Variants in CHST3 observed in about 807,000 individuals in gnomAD.
CHST3 encodes the protein C6ST-1.
CHST3 carries 20 observed loss-of-function variants against 35.4 expected under a neutral mutation model. The ratio of observed to expected loss-of-function variants is 0.57; its 90% CI spans 0.40 to 0.82. The LOEUF (loss-of-function observed/expected upper bound fraction) is 0.82. Among genes scored for constraint, CHST3 ranks in the 40% least tolerant of loss-of-function variants. The pLI, the probability that CHST3 is intolerant of heterozygous loss-of-function variation, is 0.00. For synonymous variants in CHST3, 334 were observed against 295.9 expected (o/e 1.13, Z -1.32); for missense variants, 693 against 670.1 (o/e 1.03, Z -0.38).
At chr10:72,000,636 C>T (rs1158155751) in intron 1 of CHST3, among the ~76,000 whole-genome samples, 1 of 152,076 alleles carries the variant, frequency 6.6e-6, no homozygotes. Context: ...GAAGGGTGAG[C>T]AGGGTCTGGA....
intron 1 of CHST3, among the ~76,000 whole-genome samples, chr10:71,982,572 A>T (rs1344999990): frequency 6.6e-6 from 1 of 152,046 alleles, no homozygotes; most frequent in Admixed American, 6.6e-5. Context: ...GGGCAACCTG[A>T]TGAAACCCCT....
chr10:71,971,165 C>T (rs1458831891), intron 1 of CHST3, among the ~76,000 whole-genome samples: 1 of 152,144 alleles, frequency 6.6e-6, no homozygotes, highest in Non-Finnish European at 1.5e-5. Flanking sequence ...GGCTGAGGGC[C>T]CTTCTCGTTC....
At chr10:71,988,324 T>C (rs1839868635) in intron 1 of CHST3, among the ~76,000 whole-genome samples, 1 of 152,150 alleles carries the variant, frequency 6.6e-6, no homozygotes, top group Non-Finnish European at 1.5e-5. Context: ...TCCCCTGTGA[T>C]ATAGTTGGGA....
At chr10:71,969,657 C>T (rs1226602727) in intron 1 of CHST3, among the ~76,000 whole-genome samples, 1 of 152,222 alleles carries the variant, frequency 6.6e-6, no homozygotes, top group Non-Finnish European at 1.5e-5. Context: ...AGAGGGGACA[C>T]AGTGACCAGG....
At chr10:71,972,907 T>C (rs10762498) in intron 1 of CHST3, among the ~76,000 whole-genome samples, 93,187 of 152,040 alleles carry the variant, frequency 0.61, 29,154 homozygotes, top group African/African-American at 0.74. Context: ...GCCCTTTGCC[T>C]GTGGTATTAT....
chr10:71,995,888 C>T (rs1839934142), intron 1 of CHST3, among the ~76,000 whole-genome samples: 1 of 152,064 alleles, frequency 6.6e-6, no homozygotes, highest in Admixed American at 6.5e-5. Flanking sequence ...AAATGTGACA[C>T]AGAGACACAC....
Position 72,011,213 on chromosome 10 carries a change from CGTT to C in CHST3, c.*2746_*2748del. 2 of 152,302 alleles carry C rather than the reference CGTT, an allele frequency of 1.3e-5. No individual in the cohort carries two copies. Among genetic ancestry groups the C allele is most frequent in the Non-Finnish European group, 2.9e-5 (2 of 68,022 alleles). 9.4% of individuals were successfully genotyped at this position (152,302 alleles called of 1,614,324 possible). A position where few individuals can be genotyped will look rare whatever the true frequency, so the allele number is the denominator to read the frequency against. ...CGCCAGCACCACGATGGCCCCAGGA[CGTT>C]GTTTAAGATCTGAGATCCCTTGGTT... On this transcript the variant is annotated 3_prime_UTR_variant, in exon 3 of 3. Coordinates refer to ENST00000373115, the MANE Select transcript of CHST3 (RefSeq NM_004273.5).
At position 72,007,598 on chromosome 10, in the gene CHST3, C is replaced by T; in HGVS notation, c.567C>T (p.Arg189=). ...CCGCGGGCTCGGCCCTGGTGTACCGCGACGTGCTCAAGCAGCTCTTCCTGT... is the reference window on the plus strand; with the variant it reads ...CCGCGGGCTCGGCCCTGGTGTACCGTGACGTGCTCAAGCAGCTCTTCCTGT... ...ANAAGSALVY[R]DVLKQLFLCD... Residue 189 remains arginine (R), a synonymous_variant, in exon 3 of 3, where the codon CGC becomes CGT. Transcript: ENST00000373115. The T allele has an allele frequency of 2.5e-6, 4 of 1,609,758 alleles. No individual in the cohort carries two copies. Among genetic ancestry groups the T allele is most frequent in the Non-Finnish European group, 2.5e-6 (3 of 1,179,710 alleles).
intron 1 of CHST3, among the ~76,000 whole-genome samples, chr10:71,991,707 C>T (rs542285459): frequency 2.6e-5 from 4 of 152,148 alleles, no homozygotes; most frequent in Admixed American, 6.6e-5. Flanking sequence ...CCAAGTCAGG[C>T]GGATCACCTG....
chr10:71,991,610 A>T (rs571512924), intron 1 of CHST3, among the ~76,000 whole-genome samples: 76 of 152,174 alleles, frequency 5.0e-4, no homozygotes, highest in African/African-American at 1.8e-3. Flanking sequence ...AATCACACAA[A>T]TTTTTTTGTT....
At position 72,008,377 on chromosome 10, in the gene CHST3, G is replaced by C. The variant is rs1260275648; in HGVS notation, c.1346G>C (p.Arg449Pro). 6.4e-7 allele frequency: 1 copy of C among 1,567,776 alleles called. No individual in the cohort carries two copies. The highest frequency in any genetic ancestry group is 2.4e-5 in the East Asian group (1 of 42,444). The change falls in exon 3 of 3, where the codon CGC (arginine) becomes CCC (proline). Residue 449 changes from arginine (R) to proline (P), a missense_variant. Arg to Pro is a moderately radical substitution (Grantham distance 103, BLOSUM62 -2). Coordinates refer to ENST00000373115, the MANE Select transcript of CHST3 (RefSeq NM_004273.5). ...CAGGCCGCCTGCGGCCCTGCCATGCGCCTCTTCGGCTACAAACTGGCGCGG... is the reference window on the plus strand; with the variant it reads ...CAGGCCGCCTGCGGCCCTGCCATGCCCCTCTTCGGCTACAAACTGGCGCGG... The part of the protein sequence containing the change: ...VVQAACGPAM[R>P]LFGYKLARDA...
intron 1 of CHST3, among the ~76,000 whole-genome samples, chr10:71,980,641 A>G (rs892537604): frequency 1.6e-4 from 25 of 152,184 alleles, no homozygotes; most frequent in Non-Finnish European, 2.8e-4. Flanking sequence ...GGACCTGAGG[A>G]TTCGCATTTC....
At chr10:72,005,215 C>G (rs1171378308) in intron 1 of CHST3, among the ~76,000 whole-genome samples, 2 of 152,134 alleles carry the variant, frequency 1.3e-5, no homozygotes, top group Admixed American at 1.3e-4. Context: ...CCCCACTTAC[C>G]TGGTGGAAAA....
At chr10:71,970,233 C>G (rs9783244) in intron 1 of CHST3, among the ~76,000 whole-genome samples, 23,706 of 150,404 alleles carry the variant, frequency 0.16, 6,166 homozygotes, top group African/African-American at 0.55. Context: ...AGCTGCCCTC[C>G]GTCCTCTTGA....
chr10:71,985,620 TCTC>T (rs1295227034), intron 1 of CHST3, among the ~76,000 whole-genome samples: 2 of 152,158 alleles, frequency 1.3e-5, no homozygotes, highest in Non-Finnish European at 2.9e-5. Flanking sequence ...CTTGCAAAGA[TCTC>T]TTGAAACCCT....
intron 1 of CHST3, among the ~76,000 whole-genome samples, chr10:71,995,983 A>G (rs1297435012): frequency 6.6e-6 from 1 of 152,240 alleles, no homozygotes; most frequent in African/African-American, 2.4e-5. Context: ...TAGAAAACAC[A>G]GTATCTGTGA....
chr10:71,972,009 C>T (rs1393059979), intron 1 of CHST3, among the ~76,000 whole-genome samples: 1 of 151,676 alleles, frequency 6.6e-6, no homozygotes, highest in Non-Finnish European at 1.5e-5. Context: ...GGTGTAGGTG[C>T]CTGGGGGTAG....
At chr10:71,996,718 T>C (rs1423640930) in intron 1 of CHST3, among the ~76,000 whole-genome samples, 1 of 152,120 alleles carries the variant, frequency 6.6e-6, no homozygotes, top group Non-Finnish European at 1.5e-5. Flanking sequence ...TTTAAGGCAG[T>C]GCATAAGTCC....
rs1003539672 is a variant in CHST3 at position 72,008,196 on chromosome 10, G to C, written c.1165G>C (p.Ala389Pro). 6.4e-7 allele frequency: 1 copy of C among 1,550,522 alleles called. No homozygotes were observed. Among genetic ancestry groups the C allele is most frequent in the Non-Finnish European group, 8.7e-7 (1 of 1,147,136 alleles). ...GAAGGCCCGCGAGATGTACCGCTTC[G>C]CCGGCATCCCCCTGACCCCGCAGGT... ...LQKAREMYRFAGIPLTPQVED... is the reference protein window; with the variant it reads ...LQKAREMYRFPGIPLTPQVED... Residue 389 changes from alanine (A) to proline (P), a missense_variant, in exon 3 of 3, where the codon GCC (alanine) becomes CCC (proline). Coordinates refer to ENST00000373115, the MANE Select transcript of CHST3 (RefSeq NM_004273.5).
Sources: allele counts gnomAD v4.1 joint callset (sites outside exome capture counted in the v4.1 genomes callset), GRCh38; gene constraint gnomAD v4.1.1; transcripts MANE v1.5; gene names NCBI Gene and HGNC (gene_info 2026-07-23, HGNC 2026-07-21).